The following DNAAF11 variants were observed in gnomAD, a reference collection of about 807,000 sequenced individuals.
DNAAF11 encodes dynein axonemal assembly factor 11.
DNAAF11 carries 45 observed loss-of-function variants against 60.8 expected under a neutral mutation model. The observed-to-expected ratio is 0.74, with a 90% confidence interval of 0.58 to 0.95. The LOEUF (loss-of-function observed/expected upper bound fraction) is 0.95. Among genes scored for constraint, DNAAF11 ranks in the 40% least tolerant of loss-of-function variants. The probability of loss-of-function intolerance (pLI) is 0.00; values close to 1 mark genes in which losing one functional copy is unlikely to be tolerated. For missense variants in DNAAF11, 546 were observed against 546.2 expected (o/e 1.00, Z 0.00); for synonymous variants, 191 against 183.5 (o/e 1.04, Z -0.33).
At chr8:132,655,979 G>T (rs1372817394) in intron 3 of DNAAF11, among the ~76,000 whole-genome samples, 1 of 152,146 alleles carries the variant, frequency 6.6e-6, no homozygotes, top group Non-Finnish European at 1.5e-5. Context: ...TGATTTAAAT[G>T]CAGGAATTCC....
chr8:132,572,159 T>C lies in DNAAF11; in HGVS notation c.*147A>G. The stretch of plus-strand genomic sequence containing the variant: ...TAATTTTAAGCTATCTTAAGGATAT[T>C]ACTATGCAAAGTAAGAGTTAAAACA... On this transcript the variant is annotated 3_prime_UTR_variant, in exon 12 of 12. Coordinates refer to ENST00000620350, the MANE Select transcript of DNAAF11 (RefSeq NM_012472.6). The C allele has an allele frequency of 1.7e-6, 1 of 604,710 alleles. No individual in the cohort carries two copies. The highest frequency in any genetic ancestry group is 2.9e-6 in the Non-Finnish European group (1 of 346,536). 37.5% of individuals were successfully genotyped at this position (604,710 alleles called of 1,614,324 possible). A position where few individuals can be genotyped will look rare whatever the true frequency, so the allele number is the denominator to read the frequency against.
chr8:132,675,737 C>T (rs937639442), upstream of DNAAF11: 17 of 413,700 alleles, frequency 4.1e-5, no homozygotes, highest in African/African-American at 3.3e-4. Flanking sequence ...CAGTCTTCGT[C>T]CTCGTCGCAC....
intron 10 of DNAAF11, among the ~76,000 whole-genome samples, chr8:132,604,544 C>T (rs1347007640): frequency 6.6e-6 from 1 of 152,088 alleles, no homozygotes; most frequent in Non-Finnish European, 1.5e-5. Flanking sequence ...ATTGAGATGG[C>T]AGTTTAATTT....
intron 11 of DNAAF11, among the ~76,000 whole-genome samples, chr8:132,580,333 G>A (rs1328771260): frequency 6.6e-6 from 1 of 152,190 alleles, no homozygotes; most frequent in East Asian, 1.9e-4. Context: ...AAGCAAGCAA[G>A]CAAGCTGTGG....
At chr8:132,608,359 C>CAT in intron 10 of DNAAF11, 2 of 302,102 alleles carry the variant, frequency 6.6e-6, no homozygotes, top group East Asian at 7.8e-5. Flanking sequence ...ATTCCTAGTC[C>CAT]ATATATATAT....
At chr8:132,675,674 A>G (rs1825730865), upstream of DNAAF11, 3 of 534,006 alleles carry the variant, frequency 5.6e-6, no homozygotes, top group South Asian at 6.8e-5. Flanking sequence ...CGGAGCAAGC[A>G]GAGGAGACCG....
intron 2 of DNAAF11, 37 bp downstream of exon 2, chr8:132,661,423 G>T (rs1223729454): frequency 1.3e-6 from 2 of 1,531,794 alleles, no homozygotes; most frequent in Non-Finnish European, 8.9e-7. Flanking sequence ...CATTCACAAT[G>T]TTCAAGAAAC....
At chr8:132,694,443 G>T in the DNAAF11 span, among the ~76,000 whole-genome samples, 1 of 152,130 alleles carries the variant, frequency 6.6e-6, no homozygotes, top group African/African-American at 2.4e-5. Flanking sequence ...GCCAAGAGGG[G>T]AGGCCTCAGA....
At chr8:132,694,734 C>T in the DNAAF11 span, among the ~76,000 whole-genome samples, 2 of 152,120 alleles carry the variant, frequency 1.3e-5, no homozygotes, top group African/African-American at 4.8e-5. Context: ...ATGTCTTAGC[C>T]ATCCAGATGG....
chr8:132,616,503 T>G (rs1003696351), intron 7 of DNAAF11, among the ~76,000 whole-genome samples: 1 of 152,082 alleles, frequency 6.6e-6, no homozygotes, highest in African/African-American at 2.4e-5. Flanking sequence ...TAGGACGCAC[T>G]GATAAAATGA....
the DNAAF11 span, among the ~76,000 whole-genome samples, chr8:132,697,097 T>C: frequency 6.6e-6 from 1 of 152,226 alleles, no homozygotes; most frequent in East Asian, 1.9e-4. Context: ...TGATTCCATT[T>C]ACATGAAATG....
At chr8:132,690,803 G>A in the DNAAF11 span, among the ~76,000 whole-genome samples, 11 of 152,276 alleles carry the variant, frequency 7.2e-5, no homozygotes, top group African/African-American at 2.4e-4. Context: ...ATGTCCTTCA[G>A]TTGGGATTGA....
intron 11 of DNAAF11, among the ~76,000 whole-genome samples, chr8:132,574,592 T>C (rs1223409393): frequency 6.6e-6 from 1 of 152,086 alleles, no homozygotes; most frequent in African/African-American, 2.4e-5. Flanking sequence ...TGCACCTGGC[T>C]TTTTCTGGAC....
At chr8:132,615,611 T>C (rs77136396) in intron 7 of DNAAF11, among the ~76,000 whole-genome samples, 1,597 of 152,318 alleles carry the variant, frequency 0.01, 32 homozygotes, top group African/African-American at 0.036. Flanking sequence ...CATTATCTAT[T>C]ACCTCTGTTT....
At chr8:132,691,647 G>A in the DNAAF11 span, among the ~76,000 whole-genome samples, 30 of 152,158 alleles carry the variant, frequency 2.0e-4, no homozygotes, top group African/African-American at 7.2e-4. Context: ...CATGGCAGCA[G>A]GTGAGAGAGA....
At chr8:132,690,831 A>T in the DNAAF11 span, among the ~76,000 whole-genome samples, 1 of 152,154 alleles carries the variant, frequency 6.6e-6, no homozygotes, top group Non-Finnish European at 1.5e-5. Flanking sequence ...GTTTCTTGTG[A>T]TTAAACTGGT....
At chr8:132,670,060 A>C (rs1825036692) in intron 1 of DNAAF11, among the ~76,000 whole-genome samples, 1 of 152,064 alleles carries the variant, frequency 6.6e-6, no homozygotes, top group African/African-American at 2.4e-5. Flanking sequence ...AGTAGGAATA[A>C]AGAAAGGTCT....
At chr8:132,658,759 A>G (rs1366920786) in intron 2 of DNAAF11, among the ~76,000 whole-genome samples, 1 of 152,156 alleles carries the variant, frequency 6.6e-6, no homozygotes, top group Non-Finnish European at 1.5e-5. Context: ...CCTTTGTTAT[A>G]CGCATCACCC....
rs1208776772 is a variant in DNAAF11 at position 132,637,930 on chromosome 8, C to T, written c.429+5G>A. ...GTGATTTCTGCACCATTAAAAGAAC[C>T]ATACCTTTAATTGTGGAAGAGTTGC... On this transcript the variant is annotated splice_donor_5th_base_variant and intron_variant, in intron 4 of 11. Coordinates refer to ENST00000620350, the MANE Select transcript of DNAAF11 (RefSeq NM_012472.6). The T allele has an allele frequency of 7.5e-6, 12 of 1,598,946 alleles. No individual in the cohort carries two copies. In the East Asian group the frequency reaches 2.7e-4, roughly 36 times the overall value.
Sources: allele counts gnomAD v4.1 joint callset (sites outside exome capture counted in the v4.1 genomes callset), GRCh38; gene constraint gnomAD v4.1.1; transcripts MANE v1.5; gene names NCBI Gene and HGNC (gene_info 2026-07-23, HGNC 2026-07-21).